FAM107B: variants seen among roughly 807,000 people sequenced by gnomAD.
FAM107B encodes the protein family with sequence similarity 107 member B.
Under a neutral mutation model 31.5 loss-of-function variants are expected in FAM107B, and 21 were observed. The ratio of observed to expected loss-of-function variants is 0.67; its 90% CI spans 0.47 to 0.96. The LOEUF is 0.96. Among genes scored for constraint, FAM107B ranks in the 40% least tolerant of loss-of-function variants. FAM107B has a pLI of 0.00. For synonymous variants in FAM107B, 157 were observed against 141.5 expected, an observed-to-expected ratio of 1.11 and a Z score of -0.78; for missense variants, 452 against 377.1, an observed-to-expected ratio of 1.20 and a Z score of -1.64.
chr10:14,710,730 A>T (rs181284085), intron 1 of FAM107B, among the ~76,000 whole-genome samples: 99 of 152,260 alleles, frequency 6.5e-4, no homozygotes, highest in African/African-American at 2.3e-3. Context: ...TAAAAAATAA[A>T]TTTTTTTAAA....
chr10:14,634,013 G>A (rs1017996671), intron 2 of FAM107B, among the ~76,000 whole-genome samples: 8 of 152,156 alleles, frequency 5.3e-5, no homozygotes, highest in African/African-American at 1.9e-4. Context: ...CTTTTCCATA[G>A]TGCTATAAAG....
chr10:14,646,984 C>T (rs1287017360), intron 2 of FAM107B, among the ~76,000 whole-genome samples: 1 of 151,654 alleles, frequency 6.6e-6, no homozygotes, highest in East Asian at 1.9e-4. Context: ...TTAGTAGAGA[C>T]GGGGTTTCAC....
intron 1 of FAM107B, among the ~76,000 whole-genome samples, chr10:14,705,078 A>G (rs945568493): frequency 6.6e-6 from 1 of 152,070 alleles, no homozygotes; most frequent in African/African-American, 2.4e-5. Flanking sequence ...TTCTCCAAAG[A>G]AGATACACAA....
At chr10:14,591,008 A>AAAG (rs1852002205) in intron 2 of FAM107B, among the ~76,000 whole-genome samples, 1 of 151,684 alleles carries the variant, frequency 6.6e-6, no homozygotes, top group Non-Finnish European at 1.5e-5. Context: ...AAAAAAAAAA[A>AAAG]AAAGATCCAT....
At chr10:14,551,632 G>A (rs1482911794) in intron 2 of FAM107B, among the ~76,000 whole-genome samples, 1 of 145,904 alleles carries the variant, frequency 6.9e-6, no homozygotes, top group Non-Finnish European at 1.5e-5. Context: ...TTTCATCTAT[G>A]AATCTTTAGA....
intron 1 of FAM107B, among the ~76,000 whole-genome samples, chr10:14,693,278 C>A (rs1287047102): frequency 6.6e-6 from 1 of 152,086 alleles, no homozygotes; most frequent in East Asian, 1.9e-4. Context: ...GAGTTCGAGA[C>A]CAGCCTGGCC....
intron 2 of FAM107B, among the ~76,000 whole-genome samples, chr10:14,600,076 G>T (rs1299317214): frequency 3.3e-5 from 5 of 151,794 alleles, no homozygotes; most frequent in Admixed American, 2.0e-4. Flanking sequence ...TCCGAATAAT[G>T]TTCTTAAATA....
chr10:14,663,331 A>G (rs1854299470), intron 2 of FAM107B: 1 of 152,200 alleles, frequency 6.6e-6, no homozygotes. Flanking sequence ...CCCTCTAGAG[A>G]ACTCGACTAA....
chr10:14,559,403 C>G (rs1394989267), intron 2 of FAM107B, among the ~76,000 whole-genome samples: 4 of 151,908 alleles, frequency 2.6e-5, no homozygotes, highest in African/African-American at 4.8e-5. Flanking sequence ...CCTGGCAGAC[C>G]TGCCAAAGAG....
Position 14,774,311 on chromosome 10 carries a change from C to G in FAM107B, c.353G>C (p.Cys118Ser), listed in dbSNP as rs759520659. 6.2e-7 allele frequency: 1 copy of G among 1,614,184 alleles called. No homozygotes were observed. The change falls in exon 1 of 5, where the codon TGT becomes TCT. Residue 118 changes from cysteine (C) to serine (S), a missense_variant. Cys to Ser is a moderately radical substitution (Grantham distance 112). Transcript: ENST00000181796. Reference sequence around the variant, plus strand: ...GGAAGCGTGAAACACCACTGCTTCACAGTCCGCCCCATCATCCAGGGACCC... The same window carrying G: ...GGAAGCGTGAAACACCACTGCTTCAGAGTCCGCCCCATCATCCAGGGACCC... Reference protein sequence around the residue: ...VPGSLDDGADCEAVVFHASIP... With the variant: ...VPGSLDDGADSEAVVFHASIP...
intron 1 of FAM107B, among the ~76,000 whole-genome samples, chr10:14,684,273 T>C (rs1854919953): frequency 6.6e-6 from 1 of 152,078 alleles, no homozygotes; most frequent in Non-Finnish European, 1.5e-5. Context: ...GCCAACATGG[T>C]GAAACCCCGT....
chr10:14,650,291 T>A (rs1853865830), intron 2 of FAM107B, among the ~76,000 whole-genome samples: 1 of 150,732 alleles, frequency 6.6e-6, no homozygotes, highest in Non-Finnish European at 1.5e-5. Flanking sequence ...TAACTCTGAT[T>A]TTTTTTTTCT....
chr10:14,544,944 T>C (rs903874280), intron 2 of FAM107B, among the ~76,000 whole-genome samples: 3 of 152,148 alleles, frequency 2.0e-5, no homozygotes. Context: ...AGCATGGTGA[T>C]CCTCAAAGTG....
At chr10:14,598,963 A>C (rs1588647153) in intron 2 of FAM107B, among the ~76,000 whole-genome samples, 2 of 152,250 alleles carry the variant, frequency 1.3e-5, no homozygotes, top group Middle Eastern at 3.4e-3. Flanking sequence ...CCTTTCCCCT[A>C]CAGCACCTTG....
intron 1 of FAM107B, among the ~76,000 whole-genome samples, chr10:14,763,812 G>A (rs1354783579): frequency 6.6e-6 from 1 of 152,222 alleles, no homozygotes; most frequent in Non-Finnish European, 1.5e-5. Flanking sequence ...CAGATAGAGA[G>A]GAATTATTAC....
At chr10:14,634,771 G>C (rs538996779) in intron 2 of FAM107B, among the ~76,000 whole-genome samples, 3 of 152,178 alleles carry the variant, frequency 2.0e-5, no homozygotes, top group East Asian at 3.9e-4. Context: ...GATTTAGGCA[G>C]GGTATGTGTC....
intron 2 of FAM107B, among the ~76,000 whole-genome samples, chr10:14,571,348 A>G (rs1164018417): frequency 6.6e-6 from 1 of 152,184 alleles, no homozygotes; most frequent in Non-Finnish European, 1.5e-5. Flanking sequence ...TCTTCACTAG[A>G]TAGTCAAATT....
chr10:14,688,820 C>T (rs1443232217), intron 1 of FAM107B, among the ~76,000 whole-genome samples: 1 of 152,216 alleles, frequency 6.6e-6, no homozygotes, highest in Non-Finnish European at 1.5e-5. Context: ...CTGCTGCTAA[C>T]ACAATCCAGA....
chr10:14,763,443 T>C (rs768286184), intron 1 of FAM107B, among the ~76,000 whole-genome samples: 22 of 152,212 alleles, frequency 1.4e-4, no homozygotes, highest in Non-Finnish European at 2.4e-4. Context: ...GACAGACATG[T>C]AGCCCCCACG....
Sources: allele counts gnomAD v4.1 joint callset (sites outside exome capture counted in the v4.1 genomes callset), GRCh38; gene constraint gnomAD v4.1.1; transcripts MANE v1.5; gene names NCBI Gene and HGNC (gene_info 2026-07-23, HGNC 2026-07-21).